The following SLC35F4 variants were observed in gnomAD, a reference collection of about 807,000 sequenced individuals.
The protein encoded by SLC35F4 is chromosome 14 open reading frame 36.
Under a neutral mutation model 44.2 loss-of-function variants are expected in SLC35F4, and 24 were observed. That is an observed-to-expected ratio of 0.54 (90% CI 0.39 to 0.76). SLC35F4 has a LOEUF of 0.76. SLC35F4 is among the 30% of genes least tolerant of loss of function. The pLI, the probability that SLC35F4 is intolerant of heterozygous loss-of-function variation, is 0.00. For missense variants in SLC35F4, 562 were observed against 586.1 expected (o/e 0.96, Z 0.42); for synonymous variants, 238 against 223.6 (o/e 1.06, Z -0.57).
intron 1 of SLC35F4, among the ~76,000 whole-genome samples, chr14:57,940,293 T>C (rs1889893225): frequency 6.6e-6 from 1 of 152,186 alleles, no homozygotes; most frequent in African/African-American, 2.4e-5. Context: ...TTTTGCTAAG[T>C]GTGAGATGGT....
chr14:57,771,365 C>G (rs925144236), intron 1 of SLC35F4, among the ~76,000 whole-genome samples: 4 of 152,126 alleles, frequency 2.6e-5, no homozygotes, highest in Admixed American at 2.0e-4. Context: ...TGAAAATATG[C>G]TCCACAGGTT....
rs1166175111 is a variant in SLC35F4, at chr14:57,585,457, C to A, written c.587+3759G>T. The stretch of plus-strand genomic sequence containing the variant: ...AAGAAAAGGATGCCATCTCTTACCA[C>A]TCCTATTCAACATAGTATTGGAAGT... On this transcript the variant is annotated intron_variant, in intron 3 of 7. Transcript: ENST00000556826. Among the ~76,000 whole-genome samples, 8 of 152,160 alleles carry A rather than the reference C, an allele frequency of 5.3e-5. No homozygotes were observed. In the East Asian group the frequency reaches 1.5e-3, roughly 29 times the overall value.
chr14:57,775,144 G>A (rs1046778370), intron 1 of SLC35F4, among the ~76,000 whole-genome samples: 3 of 152,206 alleles, frequency 2.0e-5, no homozygotes, highest in Non-Finnish European at 4.4e-5. Context: ...CCACCCCTGT[G>A]CTAACACCAT....
intron 1 of SLC35F4, among the ~76,000 whole-genome samples, chr14:57,823,564 T>C (rs1401606816): frequency 1.3e-5 from 2 of 152,198 alleles, no homozygotes; most frequent in Admixed American, 6.5e-5. Context: ...GTGCCTGATA[T>C]AGTGCCTGGT....
intron 1 of SLC35F4, among the ~76,000 whole-genome samples, chr14:57,637,768 A>G (rs2073070505): frequency 6.6e-6 from 1 of 152,132 alleles, no homozygotes; most frequent in African/African-American, 2.4e-5. Context: ...ACCTGATTTC[A>G]TATGAGAACT....
chr14:57,720,937 C>T (rs914626779), intron 1 of SLC35F4, among the ~76,000 whole-genome samples: 11 of 129,902 alleles, frequency 8.5e-5, no homozygotes, highest in Admixed American at 5.0e-4. Flanking sequence ...TTGTAGACAG[C>T]CTATTGTGTG....
At chr14:57,665,462 C>T (rs1594747733) in intron 1 of SLC35F4, among the ~76,000 whole-genome samples, 1 of 152,142 alleles carries the variant, frequency 6.6e-6, no homozygotes, top group African/African-American at 2.4e-5. Flanking sequence ...GATGAGGCAA[C>T]TAAAGTTCAG....
At chr14:57,924,929 GTTTT>G (rs1217871353) in intron 1 of SLC35F4, among the ~76,000 whole-genome samples, 1 of 151,390 alleles carries the variant, frequency 6.6e-6, no homozygotes, top group African/African-American at 2.4e-5. Flanking sequence ...GTTTGTTTTT[GTTTT>G]TTTTAAGAGA....
At chr14:57,941,813 T>A (rs1566507403) in intron 1 of SLC35F4, among the ~76,000 whole-genome samples, 1 of 152,220 alleles carries the variant, frequency 6.6e-6, no homozygotes, top group Non-Finnish European at 1.5e-5. Flanking sequence ...TTTTATTCCC[T>A]ATAGAGACTA....
chr14:57,705,641 A>G (rs967476931), intron 1 of SLC35F4, among the ~76,000 whole-genome samples: 1 of 152,098 alleles, frequency 6.6e-6, no homozygotes, highest in Non-Finnish European at 1.5e-5. Flanking sequence ...GGGTTTGGGT[A>G]TCACTATTCT....
chr14:57,736,426 G>T lies in SLC35F4; in HGVS notation c.103+129297C>A, dbSNP rs75269553. Reference sequence around the variant, plus strand: ...TGATATGTATTTACTGCACAGGAGGGCCTGTATAGTAAAATCTTCAAGGTC... The same window carrying T: ...TGATATGTATTTACTGCACAGGAGGTCCTGTATAGTAAAATCTTCAAGGTC... On this transcript the variant is annotated intron_variant, in intron 1 of 7. Coordinates refer to ENST00000556826, the MANE Select transcript of SLC35F4 (RefSeq NM_001306087.2). Among the ~76,000 whole-genome samples, 607 of 152,292 alleles carry T rather than the reference G, an allele frequency of 4.0e-3. 1 individual carries two copies. Among genetic ancestry groups the T allele is most frequent in the Admixed American group, 6.1e-3 (93 of 15,302 alleles).
chr14:57,837,840 A>G lies in SLC35F4; in HGVS notation c.103+27883T>C, dbSNP rs189483629. Among the ~76,000 whole-genome samples, 18 of 152,316 alleles carry G rather than the reference A, an allele frequency of 1.2e-4. No homozygotes were observed. The East Asian group carries it at 3.3e-3, about 28-fold the overall frequency. Reference sequence around the variant, plus strand: ...ATGCCAAAATAAGACATTTTTCAGAATACTGCTCACCTCCCCTTCCCCAAT... The same window carrying G: ...ATGCCAAAATAAGACATTTTTCAGAGTACTGCTCACCTCCCCTTCCCCAAT... On this transcript the variant is annotated intron_variant, in intron 1 of 7. Coordinates refer to ENST00000556826, the MANE Select transcript of SLC35F4 (RefSeq NM_001306087.2).
chr14:57,599,243 G>T (rs1010666054), intron 1 of SLC35F4, among the ~76,000 whole-genome samples: 1 of 152,160 alleles, frequency 6.6e-6, no homozygotes, highest in Non-Finnish European at 1.5e-5. Context: ...ACTCAAAACA[G>T]GACAATTTTA....
chr14:57,567,140 T>C (rs1483799130), intron 6 of SLC35F4, among the ~76,000 whole-genome samples: 1 of 152,258 alleles, frequency 6.6e-6, no homozygotes, highest in Non-Finnish European at 1.5e-5. Flanking sequence ...AGAGGGCAGA[T>C]CCACAGAACC....
chr14:57,678,434 A>T (rs2074773641), intron 1 of SLC35F4, among the ~76,000 whole-genome samples: 1 of 152,088 alleles, frequency 6.6e-6, no homozygotes, highest in African/African-American at 2.4e-5. Flanking sequence ...TGTAAAGATC[A>T]TCGATCCTAT....
At chr14:57,928,799 CT>C (rs1197839065) in intron 1 of SLC35F4, among the ~76,000 whole-genome samples, 9 of 152,158 alleles carry the variant, frequency 5.9e-5, no homozygotes, top group Admixed American at 2.0e-4. Flanking sequence ...GATAATAATG[CT>C]TCATCAATTA....
intron 1 of SLC35F4, among the ~76,000 whole-genome samples, chr14:57,677,774 T>C (rs904308207): frequency 3.3e-5 from 5 of 151,332 alleles, no homozygotes; most frequent in African/African-American, 7.3e-5. Context: ...ATATATCTGA[T>C]AGTTCAACTA....
intron 1 of SLC35F4, among the ~76,000 whole-genome samples, chr14:57,890,533 A>G (rs547339573): frequency 7.0e-6 from 1 of 143,002 alleles, no homozygotes; most frequent in Admixed American, 6.8e-5. Context: ...CCCTTTCTTT[A>G]TGGATGTGAG....
rs113790991 is a variant in SLC35F4 at position 57,875,537 on chromosome 14, G to A, written n.282+106376C>T. Among the ~76,000 whole-genome samples the A allele has an allele frequency of 3.6e-3, 548 of 152,292 alleles. 2 individuals carry two copies. The highest frequency in any genetic ancestry group is 0.013 in the African/African-American group (532 of 41,554). On this transcript the variant is annotated intron_variant and non_coding_transcript_variant, in intron 1 of 1. Coordinates refer to the SLC35F4 transcript ENST00000556568. ...TTGCTTATGCATTTGTGGTCAGCAG[G>A]TAGATCAGCTGGGGACTGAATAGGA... is the stretch of plus-strand genomic sequence containing the variant.
Sources: gnomAD v4.1 joint callset for allele counts (sites outside exome capture counted in the v4.1 genomes callset) on GRCh38, gnomAD v4.1.1 for gene constraint, MANE v1.5 for transcripts, NCBI Gene and HGNC (gene_info 2026-07-23, HGNC 2026-07-21) for gene names.